NXN: variants seen among roughly 807,000 people sequenced by gnomAD.
NXN encodes nucleoredoxin 1.
A neutral mutation model predicts 48.6 loss-of-function variants in NXN; 16 were observed. That is an observed-to-expected ratio of 0.33 (90% CI 0.22 to 0.50). The LOEUF is 0.50. Among genes scored for constraint, NXN ranks in the 20% least tolerant of loss-of-function variants. The pLI, the probability that NXN is intolerant of heterozygous loss-of-function variation, is 0.98. For missense variants in NXN, 492 were observed against 605.5 expected (o/e 0.81, Z 1.97); for synonymous variants, 281 against 269.6 (o/e 1.04, Z -0.41).
intron 1 of NXN, among the ~76,000 whole-genome samples, chr17:972,898 A>G (rs1050459050): frequency 3.3e-5 from 5 of 151,310 alleles, no homozygotes; most frequent in East Asian, 2.0e-4. Context: ...AGGGGTGGTG[A>G]CGGGCCCCTG....
chr17:881,564 T>C (rs938907393), intron 1 of NXN, among the ~76,000 whole-genome samples: 1 of 150,580 alleles, frequency 6.6e-6, no homozygotes, highest in Non-Finnish European at 1.5e-5. Flanking sequence ...GTCCATCTTA[T>C]GAAGGTAAAT....
At chr17:802,410 C>T (rs55635115) in intron 7 of NXN, among the ~76,000 whole-genome samples, 39,155 of 152,120 alleles carry the variant, frequency 0.26, 5,604 homozygotes, top group East Asian at 0.53. Context: ...AACAGGACAG[C>T]GACTACGTTC....
chr17:840,950 C>T (rs1170826557), intron 1 of NXN, among the ~76,000 whole-genome samples: 1 of 152,200 alleles, frequency 6.6e-6, no homozygotes, highest in Admixed American at 6.5e-5. Context: ...TTCTGGCAGC[C>T]CCCACTCCTC....
At position 895,055 on chromosome 17, in the gene NXN, C is replaced by T. The variant is rs1459128592; in HGVS notation, c.361-68977G>A. Among the ~76,000 whole-genome samples the T allele has an allele frequency of 1.2e-4, 14 of 116,322 alleles. No individual in the cohort carries two copies. The Admixed American group carries it at 1.4e-3, about 12-fold the overall frequency. 76.3% of individuals were successfully genotyped at this position (116,322 alleles called of 152,430 possible). A position where few individuals can be genotyped will look rare whatever the true frequency, so the allele number is the denominator to read the frequency against. On this transcript the variant is annotated intron_variant, in intron 1 of 7. Coordinates refer to ENST00000336868, the MANE Select transcript of NXN (RefSeq NM_022463.5). ...TTTTTGAGACTAAATCTCACTCCGT[C>T]GCCCAGGCTGGAGTGCAGTGGCACC...
In NXN at chr17:927,118, C is replaced by G. The variant is rs553879495; in HGVS notation, c.360+52201G>C. Among the ~76,000 whole-genome samples the G allele has an allele frequency of 1.5e-4, 22 of 150,416 alleles. 2 individuals are homozygous for G. In the South Asian group the frequency reaches 4.7e-3, roughly 32 times the overall value. ...CACGAGGTCAGGAGATCGAGACCAT[C>G]CTGGCTATCATGGTGAAACCCCGCC... On this transcript the variant is annotated intron_variant, in intron 1 of 7. Transcript: ENST00000336868.
intron 1 of NXN, among the ~76,000 whole-genome samples, chr17:898,950 T>G (rs1384299903): frequency 1.5e-5 from 1 of 68,452 alleles, no homozygotes; most frequent in Non-Finnish European, 4.4e-5. Flanking sequence ...CCTCTGTGCA[T>G]GCTTTTTTTT....
rs2068390947 is a variant in NXN at position 889,728 on chromosome 17, AAAG to A, written c.361-63653_361-63651del. 7.1e-5 allele frequency among the ~76,000 whole-genome samples: 5 copies of A among 69,976 alleles called. No homozygotes were observed. In the East Asian group the frequency reaches 1.3e-3, roughly 18 times the overall value. The allele number at this position is 69,976 out of a possible 152,430, so 45.9% of individuals were successfully genotyped here. On this transcript the variant is annotated intron_variant, in intron 1 of 7. Coordinates refer to ENST00000336868, the MANE Select transcript of NXN (RefSeq NM_022463.5). ...GAAAGAAAGAAAGAAAGAAAGAAAG[AAAG>A]AAAGAAAGAAAGAAAGAAAGAAAGA...
chr17:836,267 G>A (rs1267062172), intron 1 of NXN, among the ~76,000 whole-genome samples: 1 of 152,142 alleles, frequency 6.6e-6, no homozygotes, highest in African/African-American at 2.4e-5. Flanking sequence ...TCTTGACTGG[G>A]GAGCCTCAGC....
At chr17:970,314 G>A (rs908704980) in intron 1 of NXN, among the ~76,000 whole-genome samples, 8 of 151,982 alleles carry the variant, frequency 5.3e-5, no homozygotes, top group Non-Finnish European at 1.2e-4. Context: ...CTAGGATCTC[G>A]GCAGGACACC....
chr17:885,281 C>T (rs1185477432), intron 1 of NXN, among the ~76,000 whole-genome samples: 2 of 152,058 alleles, frequency 1.3e-5, no homozygotes, highest in Non-Finnish European at 2.9e-5. Flanking sequence ...GCCAAGAGAC[C>T]AGTCTGGCCA....
chr17:883,572 G>A (rs187160940), intron 1 of NXN, among the ~76,000 whole-genome samples: 289 of 152,342 alleles, frequency 1.9e-3, no homozygotes, highest in African/African-American at 5.6e-3. Flanking sequence ...GACTCTGGAG[G>A]GGACCCTCTG....
rs556800015 is a variant in NXN at position 833,588 on chromosome 17, G to GACAAAAGC, written c.361-7518_361-7511dup. Among the ~76,000 whole-genome samples, 1,281 of 152,238 alleles carry GACAAAAGC rather than the reference G, an allele frequency of 8.4e-3. 10 individuals are homozygous for GACAAAAGC. Among genetic ancestry groups the GACAAAAGC allele is most frequent in the South Asian group, 0.02 (94 of 4,818 alleles). On this transcript the variant is annotated intron_variant, in intron 1 of 7. Transcript: ENST00000336868. ...TTTTTGGGTCACAGACAGTTTTGAG[G>GACAAAAGC]ACAAAAGCTATGGATCTTTCAGCAG...
At chr17:907,236 C>T (rs1407198584) in intron 1 of NXN, among the ~76,000 whole-genome samples, 2 of 152,182 alleles carry the variant, frequency 1.3e-5, no homozygotes, top group African/African-American at 4.8e-5. Context: ...GTTCCCTTTC[C>T]TGCAGCCTCT....
At position 932,312 on chromosome 17, in the gene NXN, G is replaced by A. The variant is rs559131603; in HGVS notation, c.360+47007C>T. ...GGTTCTTAAACTCTGGTCCCTGGACGTACGGCTTCCGGGTTGCCTGGGAAC... is the reference window on the plus strand; with the variant it reads ...GGTTCTTAAACTCTGGTCCCTGGACATACGGCTTCCGGGTTGCCTGGGAAC... On this transcript the variant is annotated intron_variant, in intron 1 of 7. Transcript: ENST00000336868. The surrounding 1 kb of genome is among the most constrained non-coding windows in gnomAD (Gnocchi z 4.1). 1.3e-3 allele frequency among the ~76,000 whole-genome samples: 201 copies of A among 152,252 alleles called. 2 individuals are homozygous for A. The highest frequency in any genetic ancestry group is 6.6e-4 in the Non-Finnish European group (45 of 68,022).
At chr17:952,064 G>A (rs1037749216) in intron 1 of NXN, among the ~76,000 whole-genome samples, 1 of 152,130 alleles carries the variant, frequency 6.6e-6, no homozygotes, top group African/African-American at 2.4e-5. Flanking sequence ...TTCCGTTTTT[G>A]TGGGGGGCGG....
At chr17:926,495 C>G (rs949347591) in intron 1 of NXN, among the ~76,000 whole-genome samples, 2 of 150,972 alleles carry the variant, frequency 1.3e-5, no homozygotes, top group African/African-American at 2.4e-5. Context: ...CTCCTCCCCT[C>G]TCTTTTCTCT....
chr17:957,174 A>G (rs1408983476), intron 1 of NXN, among the ~76,000 whole-genome samples: 1 of 152,108 alleles, frequency 6.6e-6, no homozygotes, highest in Non-Finnish European at 1.5e-5. Flanking sequence ...TAATATGAGC[A>G]CATACGATGA....
intron 1 of NXN, among the ~76,000 whole-genome samples, chr17:857,005 A>G (rs1440584381): frequency 1.3e-5 from 2 of 152,166 alleles, no homozygotes; most frequent in Admixed American, 6.5e-5. Flanking sequence ...CACTTCAGGT[A>G]TCAGTTACAG....
chr17:965,212 C>T (rs1037387057), intron 1 of NXN, among the ~76,000 whole-genome samples: 1 of 152,194 alleles, frequency 6.6e-6, no homozygotes, highest in Non-Finnish European at 1.5e-5. Context: ...GGGCCTTAAG[C>T]TCACTTAACC....
Sources: allele counts gnomAD v4.1 joint callset (sites outside exome capture counted in the v4.1 genomes callset), GRCh38; gene constraint gnomAD v4.1.1; non-coding constraint Gnocchi (gnomAD v3.1); transcripts MANE v1.5; gene names NCBI Gene and HGNC (gene_info 2026-07-23, HGNC 2026-07-21).